The following PRRG4 variants were observed in gnomAD, a reference collection of about 807,000 sequenced individuals.
PRRG4 encodes the protein proline rich and Gla domain 4.
In PRRG4, 12 loss-of-function variants were observed where a neutral mutation model predicts 20.0. The observed-to-expected ratio is 0.60, with a 90% CI of 0.38 to 0.97. PRRG4 has a LOEUF of 0.97. Among genes scored for constraint, PRRG4 ranks in the 50% least tolerant of loss-of-function variants. The probability of loss-of-function intolerance (pLI) is 0.00; values close to 1 mark genes in which losing one functional copy is unlikely to be tolerated. For synonymous variants in PRRG4, 94 were observed against 96.4 expected (o/e 0.98, Z 0.15); for missense variants, 199 against 265.1 (o/e 0.75, Z 1.73).
chr11:32,840,639 T>A lies in PRRG4; in HGVS notation c.449+400T>A, dbSNP rs1851068756. Among the ~76,000 whole-genome samples the A allele has an allele frequency of 6.6e-6, 1 of 152,202 alleles. No homozygotes were observed. The highest frequency in any genetic ancestry group is 2.4e-5 in the African/African-American group (1 of 41,456). The stretch of plus-strand genomic sequence containing the variant: ...TTGTCTGGTCTCCTAATTTAACATT[T>A]ACATAAACAACCTAATGATGCTATT... On this transcript the variant is annotated intron_variant, in intron 5 of 5. Transcript: ENST00000257836. This position sits in a 1 kb window ranked among gnomAD's most constrained non-coding sequence, Gnocchi z 4.1.
intron 2 of PRRG4, among the ~76,000 whole-genome samples, chr11:32,834,557 A>G (rs1851002622): frequency 6.6e-6 from 1 of 152,180 alleles, no homozygotes; most frequent in Admixed American, 6.5e-5. Flanking sequence ...GCTCCCCCAA[A>G]ATATAATGTG....
chr11:32,833,422 A>T (rs1850992296), intron 2 of PRRG4, among the ~76,000 whole-genome samples: 1 of 152,156 alleles, frequency 6.6e-6, no homozygotes, highest in Non-Finnish European at 1.5e-5. Flanking sequence ...AACTCAACCT[A>T]CTGGAACAGA....
At chr11:32,837,770 C>A (rs1341918123) in intron 3 of PRRG4, among the ~76,000 whole-genome samples, 9 of 151,886 alleles carry the variant, frequency 5.9e-5, no homozygotes, top group African/African-American at 2.2e-4. Flanking sequence ...GTTGCCCAGG[C>A]TGGTCTCAAA....
chr11:32,848,294 G>A (rs1851149026), intron 5 of PRRG4, among the ~76,000 whole-genome samples: 1 of 152,126 alleles, frequency 6.6e-6, no homozygotes, highest in Non-Finnish European at 1.5e-5. Flanking sequence ...ATGAGGGCAG[G>A]ACCCTCATGA....
intron 1 of PRRG4, 84 bp downstream of exon 1, chr11:32,830,257 C>T (rs961066449): frequency 1.9e-6 from 2 of 1,034,172 alleles, no homozygotes; most frequent in Non-Finnish European, 2.5e-6. Context: ...GATTCGAACA[C>T]ATAGCGAGGG....
chr11:32,850,348 C>T (rs998415140), intron 5 of PRRG4, among the ~76,000 whole-genome samples: 12 of 152,140 alleles, frequency 7.9e-5, no homozygotes, highest in African/African-American at 2.7e-4. Context: ...GAGCAGAATT[C>T]GAGTGCAGGA....
chr11:32,856,172 A>G lies in PRRG4; in HGVS notation c.*2645A>G, dbSNP rs971068678. On this transcript the variant is annotated 3_prime_UTR_variant, in exon 6 of 6. Coordinates refer to ENST00000257836, the MANE Select transcript of PRRG4 (RefSeq NM_024081.6). The stretch of plus-strand genomic sequence containing the variant: ...TGTATGTATCTTGCACTGAATCATA[A>G]TTTGAAATATTTCATGAATTCATTT... 1.3e-5 allele frequency: 2 copies of G among 152,220 alleles called. No individual in the cohort carries two copies. The highest frequency in any genetic ancestry group is 4.8e-5 in the African/African-American group (2 of 41,462). 9.4% of individuals were successfully genotyped at this position (152,220 alleles called of 1,614,324 possible).
In PRRG4 at chr11:32,857,614, T is replaced by C. The variant is rs1470555010; in HGVS notation, c.*4087T>C. The C allele has an allele frequency of 6.6e-6, 1 of 152,264 alleles. No individual in the cohort carries two copies. The highest frequency in any genetic ancestry group is 1.5e-5 in the Non-Finnish European group (1 of 68,044). 9.4% of individuals were successfully genotyped at this position (152,264 alleles called of 1,614,324 possible). On this transcript the variant is annotated 3_prime_UTR_variant, in exon 6 of 6. Coordinates refer to ENST00000257836, the MANE Select transcript of PRRG4 (RefSeq NM_024081.6). ...ACTTCTCAGATAATTTATGTGTGTG[T>C]ACTCTTCCTAGACGTACAAGAGACT...
In PRRG4 at chr11:32,854,611, C is replaced by G. The variant is rs1851214174; in HGVS notation, c.*1084C>G. The G allele has an allele frequency of 6.7e-6, 1 of 148,324 alleles. No individual in the cohort carries two copies. The highest frequency in any genetic ancestry group is 2.0e-4 in the East Asian group (1 of 5,078). 9.2% of individuals were successfully genotyped at this position (148,324 alleles called of 1,614,324 possible). A position where few individuals can be genotyped will look rare whatever the true frequency, so the allele number is the denominator to read the frequency against. Reference sequence around the variant, plus strand: ...CAAAAAGATATTGGACCTACTCTTTCTTAGGATTTTTTTGGCGGGGGGTTA... The same window carrying G: ...CAAAAAGATATTGGACCTACTCTTTGTTAGGATTTTTTTGGCGGGGGGTTA... On this transcript the variant is annotated 3_prime_UTR_variant, in exon 6 of 6. Coordinates refer to ENST00000257836, the MANE Select transcript of PRRG4 (RefSeq NM_024081.6).
intron 2 of PRRG4, among the ~76,000 whole-genome samples, chr11:32,834,514 A>G (rs931745319): frequency 6.6e-6 from 1 of 152,210 alleles, no homozygotes; most frequent in Admixed American, 6.5e-5. Context: ...TCTATTATTT[A>G]TAATATAGAA....
chr11:32,852,873 C>T (rs1207262101), intron 5 of PRRG4, among the ~76,000 whole-genome samples: 3 of 150,608 alleles, frequency 2.0e-5, no homozygotes, highest in Non-Finnish European at 4.4e-5. Flanking sequence ...CCTGGGTTCA[C>T]GCCATTCTCC....
chr11:32,853,128 G>C (rs980963266), intron 5 of PRRG4, among the ~76,000 whole-genome samples, 168 bp from the exon 6 acceptor site: 1 of 151,816 alleles, frequency 6.6e-6, no homozygotes, highest in African/African-American at 2.4e-5. Context: ...CAAAGCTCTT[G>C]GTCTTTCCAC....
At chr11:32,842,929 G>A (rs907499382) in intron 5 of PRRG4, among the ~76,000 whole-genome samples, 1 of 151,366 alleles carries the variant, frequency 6.6e-6, no homozygotes, top group Non-Finnish European at 1.5e-5. Context: ...TCGGCTCACT[G>A]CAACCTCTGC....
At position 32,853,575 on chromosome 11, in the gene PRRG4, G is replaced by T; in HGVS notation, c.*48G>T. The T allele has an allele frequency of 6.9e-7, 1 of 1,455,142 alleles. No homozygotes were observed. Among genetic ancestry groups the T allele is most frequent in the Non-Finnish European group, 9.5e-7 (1 of 1,048,948 alleles). 90.1% of individuals were successfully genotyped at this position (1,455,142 alleles called of 1,614,324 possible). On this transcript the variant is annotated 3_prime_UTR_variant, in exon 6 of 6. Transcript: ENST00000257836. ...GAAATTTGTGTTATTTGATAGGCCGGGCATGGTGGCTCATGCCTGTAATCC... is the reference window on the plus strand; with the variant it reads ...GAAATTTGTGTTATTTGATAGGCCGTGCATGGTGGCTCATGCCTGTAATCC...
intron 5 of PRRG4, among the ~76,000 whole-genome samples, chr11:32,851,848 T>C (rs1316256383): frequency 1.3e-5 from 2 of 152,218 alleles, no homozygotes; most frequent in East Asian, 3.8e-4. Flanking sequence ...CAATGTGAAA[T>C]AAGCACATCA....
At chr11:32,837,893 G>A (rs1325473515) in intron 3 of PRRG4, among the ~76,000 whole-genome samples, 1 of 151,854 alleles carries the variant, frequency 6.6e-6, no homozygotes, top group Non-Finnish European at 1.5e-5. Context: ...CATAACCCTA[G>A]CTCCTTTTTC....
intron 3 of PRRG4, among the ~76,000 whole-genome samples, chr11:32,837,538 GATGATT>G (rs796306393): frequency 0.094 from 8,410 of 89,594 alleles, 264 homozygotes; most frequent in Non-Finnish European, 0.12. Context: ...TGATGATGAT[GATGATT>G]ATTATTATTA....
chr11:32,839,692 TTA>T (rs1354688384), intron 4 of PRRG4, among the ~76,000 whole-genome samples: 1 of 114,714 alleles, frequency 8.7e-6, no homozygotes, highest in East Asian at 2.0e-4. Context: ...AATATAAGTA[TTA>T]TATTTTGAAT....
intron 5 of PRRG4, among the ~76,000 whole-genome samples, chr11:32,846,388 G>A (rs1347127167): frequency 6.6e-6 from 1 of 152,154 alleles, no homozygotes; most frequent in Non-Finnish European, 1.5e-5. Flanking sequence ...TGGCAGCCAC[G>A]AATTTACATT....
Sources: allele counts gnomAD v4.1 joint callset (sites outside exome capture counted in the v4.1 genomes callset), GRCh38; gene constraint gnomAD v4.1.1; non-coding constraint Gnocchi (gnomAD v3.1); transcripts MANE v1.5; gene names NCBI Gene and HGNC (gene_info 2026-07-23, HGNC 2026-07-21).